Variants in UPP1 observed in about 807,000 individuals in gnomAD.
The protein encoded by UPP1 is UPase 1.
Under a neutral mutation model 29.6 loss-of-function variants are expected in UPP1, and 25 were observed. The ratio of observed to expected loss-of-function variants is 0.85; its 90% CI spans 0.62 to 1.18. UPP1 has a LOEUF of 1.18. UPP1 is among the 50% of genes most tolerant of loss of function. UPP1 has a pLI of 0.00. For missense variants in UPP1, 368 were observed against 410.4 expected (o/e 0.90, Z 0.89); for synonymous variants, 165 against 159.8 (o/e 1.03, Z -0.25).
chr7:48,094,801 C>T lies in UPP1; in HGVS notation c.18C>T (p.Ala6=). The change falls in exon 3 of 9, where the codon GCC becomes GCT. Residue 6 remains alanine, a synonymous_variant. Transcript: ENST00000395564. MAATG[A]NAEKAESHND... ...TTGGCGGAATGGCGGCCACGGGAGCCAATGCAGAGAAAGCTGAAAGTCACA... is the reference window on the plus strand; with the variant it reads ...TTGGCGGAATGGCGGCCACGGGAGCTAATGCAGAGAAAGCTGAAAGTCACA... 1 of 1,549,740 alleles carries T rather than the reference C, an allele frequency of 6.5e-7. No homozygotes were observed. The highest frequency in any genetic ancestry group is 1.1e-5 in the South Asian group (1 of 90,408).
chr7:48,093,280 C>T (rs1791944936), intron 2 of UPP1, among the ~76,000 whole-genome samples: 1 of 152,068 alleles, frequency 6.6e-6, no homozygotes. Context: ...ATAATAAATC[C>T]CATTCTCCAA....
chr7:48,089,676 C>G (rs998055276), intron 1 of UPP1: 1 of 152,180 alleles, frequency 6.6e-6, no homozygotes, highest in Non-Finnish European at 1.5e-5. Context: ...TGTGCTTCCT[C>G]GGGTCCACCC....
At chr7:48,097,585 CCTT>C (rs1253277673) in intron 3 of UPP1, among the ~76,000 whole-genome samples, 23 of 152,268 alleles carry the variant, frequency 1.5e-4, no homozygotes, top group African/African-American at 4.3e-4. Flanking sequence ...CACCCTACTT[CCTT>C]CTTCTTCATT....
intron 2 of UPP1, among the ~76,000 whole-genome samples, chr7:48,091,764 A>G (rs2128807865): frequency 6.6e-6 from 1 of 152,278 alleles, no homozygotes; most frequent in East Asian, 1.9e-4. Context: ...TCCTGCAGGT[A>G]CTAAGATTGC....
In UPP1 at chr7:48,099,681, TC is replaced by T. The variant is rs1792314219; in HGVS notation, c.57del (p.Arg20AspfsTer3). 6.2e-7 allele frequency: 1 copy of T among 1,611,432 alleles called. No homozygotes were observed. The highest frequency in any genetic ancestry group is 8.5e-7 in the Non-Finnish European group (1 of 1,177,804). On this transcript the variant is annotated frameshift_variant, in exon 4 of 9. Coordinates refer to ENST00000395564, the MANE Select transcript of UPP1 (RefSeq NM_003364.4). LOFTEE classifies it high-confidence loss of function. ...TTGTTTTTTAACAGTGATTGCCCCG[TC>T]AGACTTTTAAATCCAAACATAGCAA... The part of the protein sequence containing the change: ...EKAESHNDCP[V>X]RLLNPNIAKM...
rs142370192 is a variant in UPP1 at position 48,103,995 on chromosome 7, G to A, written c.436+584G>A. The stretch of plus-strand genomic sequence containing the variant: ...AGCACATTGGGAGGCCGAGGCGGGC[G>A]GATCACAAGATCGGGAGATCGAGAC... On this transcript the variant is annotated intron_variant, in intron 6 of 8. Coordinates refer to ENST00000395564, the MANE Select transcript of UPP1 (RefSeq NM_003364.4). 4,544 of 981,106 alleles carry A rather than the reference G, an allele frequency of 4.6e-3. 157 individuals carry two copies. The African/African-American group carries it at 0.072, about 15-fold the overall frequency. 60.8% of individuals were successfully genotyped at this position (981,106 alleles called of 1,614,324 possible).
intron 3 of UPP1, among the ~76,000 whole-genome samples, chr7:48,097,558 G>A (rs1240705485): frequency 6.6e-6 from 1 of 152,176 alleles, no homozygotes; most frequent in Non-Finnish European, 1.5e-5. Context: ...TAAAATAATT[G>A]CCTGTCTTCA....
chr7:48,104,250 C>A (rs534396180), intron 6 of UPP1, among the ~76,000 whole-genome samples: 1 of 152,148 alleles, frequency 6.6e-6, no homozygotes, highest in East Asian at 1.9e-4. Context: ...AAACAAAAAC[C>A]CCCACAAACA....
chr7:48,101,761 C>A, intron 4 of UPP1, 63 bp from the exon 5 acceptor site: 1 of 1,546,128 alleles, frequency 6.5e-7, no homozygotes, highest in Admixed American at 1.9e-5. Context: ...GGTCTAGGGG[C>A]CCCACTTGAG....
At chr7:48,091,465 G>T (rs1791831594) in intron 2 of UPP1, among the ~76,000 whole-genome samples, 1 of 152,060 alleles carries the variant, frequency 6.6e-6, no homozygotes, top group South Asian at 2.1e-4. Context: ...ATGTGGGGAG[G>T]GGAGCGAAGA....
At chr7:48,108,176 A>AC (rs756998541) in intron 8 of UPP1, 42 bp from the exon 9 acceptor site, 7 of 1,583,660 alleles carry the variant, frequency 4.4e-6, no homozygotes, top group Non-Finnish European at 5.2e-6. Flanking sequence ...GAAATGTTAG[A>AC]CCCCCGGCAC....
Position 48,103,986 on chromosome 7 carries a change from G to A in UPP1, c.436+575G>A. On this transcript the variant is annotated intron_variant, in intron 6 of 8. Coordinates refer to ENST00000395564, the MANE Select transcript of UPP1 (RefSeq NM_003364.4). ...TGTAATCCCAGCACATTGGGAGGCC[G>A]AGGCGGGCGGATCACAAGATCGGGA... 2.9e-6 allele frequency: 3 copies of A among 1,036,706 alleles called. No individual in the cohort carries two copies. The South Asian group carries it at 4.8e-5, about 16-fold the overall frequency. The allele number at this position is 1,036,706 out of a possible 1,614,324, so 64.2% of individuals were successfully genotyped here. A position where few individuals can be genotyped will look rare whatever the true frequency, so the allele number is the denominator to read the frequency against.
upstream of UPP1, chr7:48,089,042 G>C (rs535524593): frequency 2.0e-5 from 3 of 152,244 alleles, no homozygotes; most frequent in African/African-American, 7.2e-5. Context: ...TGAGCCTCCC[G>C]GGACCTTCGC....
At position 48,108,420 on chromosome 7, in the gene UPP1, T is replaced by G; in HGVS notation, c.*63T>G. 6.4e-7 allele frequency: 1 copy of G among 1,552,438 alleles called. No homozygotes were observed. Among genetic ancestry groups the G allele is most frequent in the Non-Finnish European group, 8.8e-7 (1 of 1,140,708 alleles). On this transcript the variant is annotated 3_prime_UTR_variant, in exon 9 of 9. Transcript: ENST00000395564. ...TTGCCATTAAAAGCATTGTCCAAAA[T>G]CCCCTGTTGTGTGGACTTTGAGCAC... is the stretch of plus-strand genomic sequence containing the variant.
At chr7:48,091,209 GTTAT>G (rs1791812275) in intron 2 of UPP1, among the ~76,000 whole-genome samples, 1 of 150,910 alleles carries the variant, frequency 6.6e-6, no homozygotes, top group Admixed American at 6.6e-5. Context: ...TACAAGCTAA[GTTAT>G]TTATGCAAGT....
intron 8 of UPP1, 75 bp from the exon 9 acceptor site, chr7:48,108,143 T>A (rs537171891): frequency 6.4e-7 from 1 of 1,563,244 alleles, no homozygotes; most frequent in South Asian, 1.2e-5. Flanking sequence ...TCAGAGCTCG[T>A]GGGTTCTTCA....
At position 48,099,712 on chromosome 7, in the gene UPP1, G is replaced by A; in HGVS notation, c.87G>A (p.Met29Ile). Residue 29 changes from methionine (M) to isoleucine (I), a missense_variant, in exon 4 of 9, where the codon ATG (methionine) becomes ATA (isoleucine). Transcript: ENST00000395564. ...VRLLNPNIAK[M>I]KEDILYHFNL... ...TTTTAAATCCAAACATAGCAAAAATGAAAGAAGATATTCTCTATCATTTCA... is the reference window on the plus strand; with the variant it reads ...TTTTAAATCCAAACATAGCAAAAATAAAAGAAGATATTCTCTATCATTTCA... The A allele has an allele frequency of 1.2e-6, 2 of 1,613,846 alleles. No homozygotes were observed. Among genetic ancestry groups the A allele is most frequent in the Non-Finnish European group, 1.7e-6 (2 of 1,179,800 alleles).
At chr7:48,104,133 G>C in intron 6 of UPP1, 1 of 226,392 alleles carries the variant, frequency 4.4e-6, no homozygotes, top group Non-Finnish European at 8.9e-6. Flanking sequence ...CAGGAGAATC[G>C]CTTGAACCCG....
At chr7:48,099,822 C>T in intron 4 of UPP1, 35 bp downstream of exon 4, 1 of 1,452,922 alleles carries the variant, frequency 6.9e-7, no homozygotes, top group Non-Finnish European at 9.7e-7. Flanking sequence ...TGGAATTTGC[C>T]TTAAGATCAA....
Sources: allele counts gnomAD v4.1 joint callset (sites outside exome capture counted in the v4.1 genomes callset), GRCh38; gene constraint gnomAD v4.1.1; transcripts MANE v1.5; gene names NCBI Gene and HGNC (gene_info 2026-07-23, HGNC 2026-07-21).